SCRN1: variants seen among roughly 807,000 people sequenced by gnomAD.
The protein encoded by SCRN1 is secernin-1.
A neutral mutation model predicts 43.3 loss-of-function variants in SCRN1; 19 were observed. That is an observed-to-expected ratio of 0.44 (90% CI 0.31 to 0.64). The LOEUF is 0.64. Among genes scored for constraint, SCRN1 ranks in the 30% least tolerant of loss-of-function variants. The probability of loss-of-function intolerance (pLI) is 0.09; values close to 1 mark genes in which losing one functional copy is unlikely to be tolerated. For missense variants in SCRN1, 447 were observed against 524.1 expected (o/e 0.85, Z 1.44); for synonymous variants, 183 against 188.9 (o/e 0.97, Z 0.26).
chr7:29,983,699 T>C (rs946604952), intron 1 of SCRN1, among the ~76,000 whole-genome samples: 8 of 152,216 alleles, frequency 5.3e-5, no homozygotes, highest in Non-Finnish European at 1.0e-4. Flanking sequence ...TGAAAATTAA[T>C]GAGGAAATAC....
intron 6 of SCRN1, among the ~76,000 whole-genome samples, chr7:29,932,273 C>T (rs190271177): frequency 3.3e-4 from 51 of 152,294 alleles, no homozygotes; most frequent in African/African-American, 1.2e-3. Flanking sequence ...CCAAAGGCTG[C>T]ATGAGTCATG....
chr7:29,947,678 G>A (rs1787778443), intron 3 of SCRN1, among the ~76,000 whole-genome samples: 1 of 152,216 alleles, frequency 6.6e-6, no homozygotes, highest in Non-Finnish European at 1.5e-5. Flanking sequence ...AAGCAGGAAG[G>A]TAATGCTATG....
At position 29,924,065 on chromosome 7, in the gene SCRN1, G is replaced by A. The variant is rs1786860388; in HGVS notation, c.1137C>T (p.Gly379=). 1.2e-6 allele frequency: 2 copies of A among 1,613,990 alleles called. No homozygotes were observed. Among genetic ancestry groups the A allele is most frequent in the South Asian group, 1.1e-5 (1 of 91,082 alleles). ...RSTMLELEKQ[G]LEAMEEILTS... ...TCAGGATTTCTTCCATGGCTTCCAGGCCTTGCTTCTCCAGCTCCAGCATGG... is the reference window on the plus strand; with the variant it reads ...TCAGGATTTCTTCCATGGCTTCCAGACCTTGCTTCTCCAGCTCCAGCATGG... The change falls in exon 8 of 8, where the codon GGC becomes GGT. Residue 379 remains glycine (G), a synonymous_variant. Coordinates refer to ENST00000242059, the MANE Select transcript of SCRN1 (RefSeq NM_014766.5).
In SCRN1 at chr7:29,955,484, G is replaced by A. The variant is rs115561899; in HGVS notation, c.160-124C>T. The A allele has an allele frequency of 2.9e-3, 2,482 of 859,956 alleles. 42 individuals are homozygous for A. In the African/African-American group the frequency reaches 0.038, roughly 13 times the overall value. 53.3% of individuals were successfully genotyped at this position (859,956 alleles called of 1,614,324 possible). On this transcript the variant is annotated intron_variant, in intron 2 of 7. Coordinates refer to ENST00000242059, the MANE Select transcript of SCRN1 (RefSeq NM_014766.5). The stretch of plus-strand genomic sequence containing the variant: ...AGAGCCAAAAAATAAAAGGCCTTGG[G>A]AATACCCTGATTTTTAAGTCTTCAC...
chr7:29,928,096 C>A (rs1274721293), intron 6 of SCRN1, among the ~76,000 whole-genome samples: 1 of 152,154 alleles, frequency 6.6e-6, no homozygotes. Context: ...GCACTCCGGC[C>A]TGGGTGACTG....
chr7:29,968,826 T>C, intron 2 of SCRN1, 83 bp downstream of exon 2: 1 of 1,532,686 alleles, frequency 6.5e-7, no homozygotes, highest in South Asian at 1.2e-5. Flanking sequence ...TGAGCAAGCT[T>C]CCAAGCAAGA....
intron 1 of SCRN1, among the ~76,000 whole-genome samples, chr7:29,986,623 T>A (rs1789163316): frequency 6.6e-6 from 1 of 152,122 alleles, no homozygotes; most frequent in African/African-American, 2.4e-5. Flanking sequence ...ACAAATTGCA[T>A]GCATTTCTGT....
At chr7:29,940,970 C>G (rs1166068039) in intron 4 of SCRN1, 94 bp from the exon 5 acceptor site, 3 of 1,012,494 alleles carry the variant, frequency 3.0e-6, no homozygotes, top group Non-Finnish European at 4.1e-6. Flanking sequence ...TCCTGAAACA[C>G]TGACTTTAAC....
intron 5 of SCRN1, among the ~76,000 whole-genome samples, chr7:29,939,272 G>T (rs887864862): frequency 5.9e-5 from 9 of 151,866 alleles, no homozygotes; most frequent in Non-Finnish European, 5.9e-5. Context: ...GGAGTGAGGT[G>T]GTGCAATCAT....
chr7:29,932,608 C>A (rs1185914794), intron 6 of SCRN1, among the ~76,000 whole-genome samples: 1 of 136,654 alleles, frequency 7.3e-6, no homozygotes, highest in Non-Finnish European at 1.5e-5. Flanking sequence ...GCCGAGATCA[C>A]GCCACTGCAC....
At position 29,936,565 on chromosome 7, in the gene SCRN1, T is replaced by C; in HGVS notation, c.896A>G (p.Asp299Gly). Reference sequence around the variant, plus strand: ...CAGGCCTCGGACAAACCTGGAAGGATCAGGGGTTCCAGTGAAGTAGTGAAT... The same window carrying C: ...CAGGCCTCGGACAAACCTGGAAGGACCAGGGGTTCCAGTGAAGTAGTGAAT... ...PCIHYFTGTP[D>G]PSRSIFKPFI... The change falls in exon 6 of 8, where the codon GAT (aspartate) becomes GGT (glycine). Residue 299 changes from aspartate to glycine, a missense_variant. Asp to Gly is a moderately conservative substitution (Grantham distance 94). Transcript: ENST00000242059. The C allele has an allele frequency of 6.3e-7, 1 of 1,583,626 alleles. No homozygotes were observed. The highest frequency in any genetic ancestry group is 8.6e-7 in the Non-Finnish European group (1 of 1,156,436).
At chr7:29,964,618 C>T (rs1788429342) in intron 2 of SCRN1, among the ~76,000 whole-genome samples, 1 of 152,030 alleles carries the variant, frequency 6.6e-6, no homozygotes, top group Non-Finnish European at 1.5e-5. Flanking sequence ...GGATATCCAA[C>T]ACAGAGTATA....
At chr7:29,956,148 C>T (rs181903375) in intron 2 of SCRN1, among the ~76,000 whole-genome samples, 14 of 152,356 alleles carry the variant, frequency 9.2e-5, no homozygotes, top group African/African-American at 3.4e-4. Flanking sequence ...ACACCTTCTT[C>T]ACACGAACTC....
At chr7:29,985,287 C>A (rs371600806) in intron 1 of SCRN1, among the ~76,000 whole-genome samples, 3 of 144,104 alleles carry the variant, frequency 2.1e-5, no homozygotes, top group African/African-American at 7.9e-5. Flanking sequence ...CACCTGTAAT[C>A]CCAGCTACTC....
At chr7:29,969,305 C>T in intron 1 of SCRN1, 1 of 517,424 alleles carries the variant, frequency 1.9e-6, no homozygotes, top group Non-Finnish European at 3.5e-6. Flanking sequence ...AGATTTGCAA[C>T]AAACCACAGC....
Position 29,936,661 on chromosome 7 carries a change from A to G in SCRN1, c.800T>C (p.Ile267Thr). Residue 267 changes from isoleucine (I) to threonine (T), a missense_variant, in exon 6 of 8, where the codon ATA becomes ACA. Coordinates refer to ENST00000242059, the MANE Select transcript of SCRN1 (RefSeq NM_014766.5). ...TGTGGTGAGGAAAAACTCAGAGTCTATGCACACTCCGCTGGCTTTGTCCCG... is the reference window on the plus strand; with the variant it reads ...TGTGGTGAGGAAAAACTCAGAGTCTGTGCACACTCCGCTGGCTTTGTCCCG... The part of the protein sequence containing the change: ...TLRDKASGVC[I>T]DSEFFLTTAS... The G allele has an allele frequency of 3.7e-6, 6 of 1,601,970 alleles. No homozygotes were observed. The highest frequency in any genetic ancestry group is 5.1e-6 in the Non-Finnish European group (6 of 1,170,508).
chr7:29,947,520 C>G (rs1787773431), intron 3 of SCRN1, among the ~76,000 whole-genome samples: 1 of 152,172 alleles, frequency 6.6e-6, no homozygotes, highest in Non-Finnish European at 1.5e-5. Flanking sequence ...GGCAACACAG[C>G]CCCCTTAGAA....
chr7:29,990,149 C>G (rs1789326047), upstream of SCRN1: 1 of 1,551,494 alleles, frequency 6.4e-7, no homozygotes, highest in Admixed American at 2.0e-5. Flanking sequence ...GGCGCCCACA[C>G]AAGATTTCCC....
intron 3 of SCRN1, among the ~76,000 whole-genome samples, chr7:29,944,862 C>T (rs901867432): frequency 4.6e-5 from 7 of 152,056 alleles, no homozygotes; most frequent in African/African-American, 1.7e-4. Context: ...TACAAAACCA[C>T]CCCTCTGTGG....
Sources: allele counts gnomAD v4.1 joint callset (sites outside exome capture counted in the v4.1 genomes callset), GRCh38; gene constraint gnomAD v4.1.1; transcripts MANE v1.5; gene names NCBI Gene and HGNC (gene_info 2026-07-23, HGNC 2026-07-21).